XKR6: variants seen among roughly 807,000 people sequenced by gnomAD.
XKR6 encodes the protein XK related 6.
XKR6 carries 22 observed loss-of-function variants against 56.7 expected under a neutral mutation model. That is an observed-to-expected ratio of 0.39 (90% CI 0.28 to 0.55). XKR6 has a LOEUF of 0.55. XKR6 is among the 20% of genes least tolerant of loss of function. The probability of loss-of-function intolerance (pLI) is 0.66; values close to 1 mark genes in which losing one functional copy is unlikely to be tolerated. For synonymous variants in XKR6, 524 were observed against 387.8 expected, an observed-to-expected ratio of 1.35 and a Z score of -4.13; for missense variants, 852 against 889.0, an observed-to-expected ratio of 0.96 and a Z score of 0.53.
chr8:11,082,532 C>T (rs984035289), intron 1 of XKR6, among the ~76,000 whole-genome samples: 2 of 152,226 alleles, frequency 1.3e-5, no homozygotes, highest in South Asian at 4.1e-4. Context: ...CTCTGACCGT[C>T]TTGTCTGTCC....
intron 1 of XKR6, among the ~76,000 whole-genome samples, chr8:10,996,775 G>A (rs778367778): frequency 2.6e-5 from 4 of 152,046 alleles, no homozygotes; most frequent in African/African-American, 4.8e-5. Flanking sequence ...CACTTTGAGG[G>A]GCCAAGGTGG....
At chr8:11,042,264 A>C (rs1403342997) in intron 1 of XKR6, among the ~76,000 whole-genome samples, 1 of 150,460 alleles carries the variant, frequency 6.6e-6, no homozygotes, top group Non-Finnish European at 1.5e-5. Context: ...AAATATTTGC[A>C]TTATACTAGT....
At chr8:11,067,904 C>T (rs1024050398) in intron 1 of XKR6, among the ~76,000 whole-genome samples, 7 of 152,228 alleles carry the variant, frequency 4.6e-5, no homozygotes, top group African/African-American at 1.4e-4. Flanking sequence ...ACTGCAGCCG[C>T]GCCCATGCTC....
At chr8:10,933,830 G>T (rs1330575694) in intron 1 of XKR6, among the ~76,000 whole-genome samples, 1 of 95,408 alleles carries the variant, frequency 1.0e-5, no homozygotes, top group Non-Finnish European at 2.2e-5. Flanking sequence ...GTCAGGTAGT[G>T]TGATGCCTCC....
chr8:11,074,729 T>G (rs887233394), intron 1 of XKR6, among the ~76,000 whole-genome samples: 2 of 152,096 alleles, frequency 1.3e-5, no homozygotes, highest in African/African-American at 2.4e-5. Context: ...GTGCTACCAG[T>G]GAGGTGGGCC....
intron 1 of XKR6, among the ~76,000 whole-genome samples, chr8:11,098,287 G>A (rs1798339588): frequency 2.0e-5 from 3 of 151,888 alleles, no homozygotes; most frequent in Non-Finnish European, 2.9e-5. Flanking sequence ...ACACAGGCGC[G>A]CGCGCACACA....
At chr8:10,924,973 T>C (rs955505819) in intron 1 of XKR6, 143 bp from the exon 2 acceptor site, 5 of 869,340 alleles carry the variant, frequency 5.8e-6, no homozygotes, top group Admixed American at 5.7e-5. Flanking sequence ...TGGACGGGGC[T>C]CTGGGGGGCT....
intron 1 of XKR6, among the ~76,000 whole-genome samples, chr8:10,999,502 T>C (rs760220497): frequency 2.0e-4 from 31 of 152,256 alleles, no homozygotes; most frequent in Non-Finnish European, 3.7e-4. Flanking sequence ...TACTTCTTTA[T>C]CTTCAGAAGA....
chr8:11,123,959 G>C (rs1799614055), intron 1 of XKR6: 1 of 456,086 alleles, frequency 2.2e-6, no homozygotes, highest in African/African-American at 2.0e-5. Flanking sequence ...CGGCTCCAGT[G>C]CTACCTGCTC....
At chr8:11,148,996 T>C (rs1801133339) in intron 1 of XKR6, among the ~76,000 whole-genome samples, 3 of 152,148 alleles carry the variant, frequency 2.0e-5, no homozygotes, top group Admixed American at 2.0e-4. Flanking sequence ...ATATCAGTGG[T>C]TGCCTGGAAA....
intron 1 of XKR6, among the ~76,000 whole-genome samples, chr8:10,947,815 C>T (rs370688239): frequency 1.3e-5 from 2 of 152,198 alleles, no homozygotes; most frequent in African/African-American, 4.8e-5. Context: ...TCAGTTCTTC[C>T]CTCATTCTGG....
chr8:10,949,103 G>T (rs1297176757), intron 1 of XKR6, among the ~76,000 whole-genome samples: 1 of 152,236 alleles, frequency 6.6e-6, no homozygotes, highest in African/African-American at 2.4e-5. Flanking sequence ...AACACCCTGG[G>T]AGTCCGGGGT....
intron 1 of XKR6, among the ~76,000 whole-genome samples, chr8:11,115,933 G>A (rs965055242): frequency 2.0e-5 from 3 of 152,132 alleles, no homozygotes; most frequent in Middle Eastern, 3.2e-3. Context: ...GAAATGTTTT[G>A]ACTCTGAAGT....
chr8:11,174,446 C>T (rs1452794380), intron 1 of XKR6, among the ~76,000 whole-genome samples: 1 of 152,168 alleles, frequency 6.6e-6, no homozygotes, highest in South Asian at 2.1e-4. Context: ...CTTTACGAGC[C>T]GAGCACCGCA....
At position 11,120,987 on chromosome 8, in the gene XKR6, G is replaced by T. The variant is rs1366468800; in HGVS notation, c.764+79589C>A. On this transcript the variant is annotated intron_variant, in intron 1 of 2. Coordinates refer to ENST00000416569, the MANE Select transcript of XKR6 (RefSeq NM_173683.4). ...GCTGGGAAAACTGGCTAGCCATATG[G>T]AGAAAGCTGAAACTGGATCCCTTCC... is the stretch of plus-strand genomic sequence containing the variant. Among the ~76,000 whole-genome samples, 37 of 152,212 alleles carry T rather than the reference G, an allele frequency of 2.4e-4. No individual in the cohort carries two copies. The East Asian group carries it at 3.7e-3, about 15-fold the overall frequency.
intron 1 of XKR6, among the ~76,000 whole-genome samples, chr8:11,136,360 TG>T (rs1257048134): frequency 1.3e-5 from 2 of 152,194 alleles, no homozygotes; most frequent in African/African-American, 4.8e-5. Flanking sequence ...AAAAATTAGC[TG>T]GGTGTGGTGG....
chr8:11,027,869 C>A (rs1274141486), intron 1 of XKR6, among the ~76,000 whole-genome samples: 1 of 152,158 alleles, frequency 6.6e-6, no homozygotes, highest in Non-Finnish European at 1.5e-5. Flanking sequence ...GCCTTTGAGG[C>A]TGGGCTAGAA....
intron 1 of XKR6, among the ~76,000 whole-genome samples, chr8:11,164,424 T>C (rs1309039843): frequency 6.6e-6 from 1 of 152,234 alleles, no homozygotes; most frequent in Non-Finnish European, 1.5e-5. Flanking sequence ...CCCCTGCATT[T>C]ACGTTATTCT....
At chr8:10,935,395 T>C (rs1265733883) in intron 1 of XKR6, among the ~76,000 whole-genome samples, 1 of 118,516 alleles carries the variant, frequency 8.4e-6, no homozygotes, top group Non-Finnish European at 1.8e-5. Flanking sequence ...GTGTCTCTAT[T>C]TCCTTCAGTT....
Sources: allele counts gnomAD v4.1 joint callset (sites outside exome capture counted in the v4.1 genomes callset), GRCh38; gene constraint gnomAD v4.1.1; transcripts MANE v1.5; gene names NCBI Gene and HGNC (gene_info 2026-07-23, HGNC 2026-07-21).